Variants in DNAH9 observed in about 807,000 individuals in gnomAD.
DNAH9 encodes the protein dynein axonemal heavy chain 9.
DNAH9 carries 345 observed loss-of-function variants against 471.6 expected under a neutral mutation model. The ratio of observed to expected loss-of-function variants is 0.73; its 90% confidence interval spans 0.67 to 0.80. DNAH9 has a LOEUF of 0.80. Among genes scored for constraint, DNAH9 ranks in the 30% least tolerant of loss-of-function variants. DNAH9 has a pLI of 0.00. For synonymous variants in DNAH9, 2,093 were observed against 2,123.6 expected (o/e 0.99, Z 0.40); for missense variants, 5,407 against 5,609.2 (o/e 0.96, Z 1.15).
intron 59 of DNAH9, among the ~76,000 whole-genome samples, chr17:11,899,772 G>T (rs1973344146): frequency 6.6e-6 from 1 of 152,152 alleles, no homozygotes; most frequent in Non-Finnish European, 1.5e-5. Context: ...GGCACAGAGA[G>T]AAATAATTAC....
At chr17:11,826,375 A>G (rs1160732368) in intron 48 of DNAH9, among the ~76,000 whole-genome samples, 1 of 143,278 alleles carries the variant, frequency 7.0e-6, no homozygotes, top group Non-Finnish European at 1.5e-5. Flanking sequence ...GTAATTTTAG[A>G]CTCTTCCCTT....
intron 52 of DNAH9, among the ~76,000 whole-genome samples, chr17:11,874,244 C>A (rs867466256): frequency 5.5e-3 from 586 of 106,092 alleles, no homozygotes; most frequent in Admixed American, 6.0e-3. Context: ...GATTCCATCT[C>A]AAAAAAAAAA....
chr17:11,652,758 C>G lies in DNAH9; in HGVS notation c.2354-3C>G. ...AATTAATTATGTTTCTTTTGGGGAA[C>G]AGGCATTTGCGATTATGTCACTGAA... On this transcript the variant is annotated splice_polypyrimidine_tract_variant and splice_region_variant and intron_variant, in intron 13 of 68. Transcript: ENST00000262442. 6.2e-7 allele frequency: 1 copy of G among 1,612,036 alleles called. No individual in the cohort carries two copies. The highest frequency in any genetic ancestry group is 8.5e-7 in the Non-Finnish European group (1 of 1,179,122).
intron 57 of DNAH9, among the ~76,000 whole-genome samples, chr17:11,888,201 G>C (rs144204571): frequency 6.6e-6 from 1 of 151,860 alleles, no homozygotes; most frequent in Non-Finnish European, 1.5e-5. Flanking sequence ...AGCCAGGATG[G>C]TCTCGATCTC....
chr17:11,923,554 G>A (rs374300599), intron 61 of DNAH9, among the ~76,000 whole-genome samples: 3 of 151,508 alleles, frequency 2.0e-5, no homozygotes, highest in Non-Finnish European at 2.9e-5. Flanking sequence ...CTGGTGATCC[G>A]CTCGCCTCGG....
intron 43 of DNAH9, among the ~76,000 whole-genome samples, chr17:11,802,184 A>G (rs1372537533): frequency 2.6e-5 from 4 of 152,174 alleles, no homozygotes; most frequent in Admixed American, 1.3e-4. Flanking sequence ...CTACCAACCA[A>G]TAAAGCAGAA....
At chr17:11,900,076 A>G (rs984636286) in intron 59 of DNAH9, among the ~76,000 whole-genome samples, 2 of 148,882 alleles carry the variant, frequency 1.3e-5, no homozygotes, top group East Asian at 4.0e-4. Context: ...GGCAGACCAC[A>G]TGACTTGGCC....
intron 68 of DNAH9, among the ~76,000 whole-genome samples, chr17:11,965,835 A>G (rs1878765691): frequency 6.6e-6 from 1 of 152,188 alleles, no homozygotes; most frequent in South Asian, 2.1e-4. Flanking sequence ...ACCTAAAATG[A>G]AAACTCAGTA....
intron 59 of DNAH9, among the ~76,000 whole-genome samples, chr17:11,900,918 CT>C: frequency 6.6e-6 from 1 of 152,072 alleles, no homozygotes. Context: ...TGTGGGCACT[CT>C]AAAGAAATAG....
chr17:11,872,334 A>T (rs1331930479), intron 52 of DNAH9, among the ~76,000 whole-genome samples: 2 of 151,292 alleles, frequency 1.3e-5, no homozygotes, highest in Admixed American at 1.3e-4. Flanking sequence ...GGCTAGGTGG[A>T]TGTTACTCCC....
intron 11 of DNAH9, 81 bp from the exon 12 acceptor site, chr17:11,646,991 A>T: frequency 6.8e-7 from 1 of 1,469,590 alleles, no homozygotes; most frequent in Admixed American, 1.9e-5. Flanking sequence ...TAGTATCTTC[A>T]ATTTATGTTA....
chr17:11,740,680 G>A (rs1278657172), intron 29 of DNAH9, among the ~76,000 whole-genome samples: 2 of 152,084 alleles, frequency 1.3e-5, no homozygotes, highest in African/African-American at 4.8e-5. Flanking sequence ...TCTCTCAAAG[G>A]CCCTATGAGG....
intron 61 of DNAH9, among the ~76,000 whole-genome samples, chr17:11,910,600 G>T (rs1015513808): frequency 6.6e-6 from 1 of 152,178 alleles, no homozygotes; most frequent in Non-Finnish European, 1.5e-5. Flanking sequence ...GTCAGATGGT[G>T]ACTTTATGTT....
chr17:11,795,850 T>C (rs1969220131), intron 42 of DNAH9, among the ~76,000 whole-genome samples: 1 of 152,172 alleles, frequency 6.6e-6, no homozygotes, highest in African/African-American at 2.4e-5. Context: ...AATATTGCCA[T>C]TATCCTTCCC....
At chr17:11,779,580 C>T (rs904862836) in intron 38 of DNAH9, among the ~76,000 whole-genome samples, 2 of 152,160 alleles carry the variant, frequency 1.3e-5, no homozygotes, top group Non-Finnish European at 2.9e-5. Context: ...AGAGCTTAAT[C>T]AACCCAAATT....
At chr17:11,704,987 C>G (rs1425821382) in intron 25 of DNAH9, 38 bp from the exon 26 acceptor site, 2 of 1,595,804 alleles carry the variant, frequency 1.3e-6, no homozygotes, top group Admixed American at 3.3e-5. Context: ...TACCTGCTGC[C>G]TATGATTCAC....
rs1597697612 is a variant in DNAH9, at chr17:11,822,898, A to G, written c.9110A>G (p.Asn3037Ser). ...QSYLSNEQRYNYTTPKSFLEF... is the reference protein window; with the variant it reads ...QSYLSNEQRYSYTTPKSFLEF... ...TATCTGAGCAATGAACAGCGCTACAACTATACAACTCCCAAGTCCTTTCTG... is the reference window on the plus strand; with the variant it reads ...TATCTGAGCAATGAACAGCGCTACAGCTATACAACTCCCAAGTCCTTTCTG... Residue 3037 changes from asparagine to serine, a missense_variant, in exon 48 of 69, where the codon AAC (asparagine) becomes AGC (serine). By Grantham distance (46) the Asn-to-Ser change is conservative (BLOSUM62 1). Around this residue, in one of 3 missense-constraint regions of DNAH9, gnomAD observed 4,636 missense variants for 4,900.3 expected, o/e 0.95. Transcript: ENST00000262442. 1 of 1,614,222 alleles carries G rather than the reference A, an allele frequency of 6.2e-7. No individual in the cohort carries two copies. The highest frequency in any genetic ancestry group is 8.5e-7 in the Non-Finnish European group (1 of 1,180,050).
rs1157505657 is a variant in DNAH9, at chr17:11,759,517, C to CTTTTTTTTTTTTTTT, written c.6995+1834_6995+1848dup. Among the ~76,000 whole-genome samples the CTTTTTTTTTTTTTTT allele has an allele frequency of 5.7e-4, 48 of 83,972 alleles. 1 individual carries two copies. Among genetic ancestry groups the CTTTTTTTTTTTTTTT allele is most frequent in the Middle Eastern group, 0.01 (1 of 100 alleles). The allele number at this position is 83,972 out of a possible 152,430, so 55.1% of individuals were successfully genotyped here. A position where few individuals can be genotyped will look rare whatever the true frequency, so the allele number is the denominator to read the frequency against. Reference sequence around the variant, plus strand: ...TATACATAGGTATATATACACACCACTTTTTTTTTTTTTTTTTTTTTTTGA... The same window carrying CTTTTTTTTTTTTTTT: ...TATACATAGGTATATATACACACCACTTTTTTTTTTTTTTTTTTTTTTTTTTTTTTTTTTTTTTGA... On this transcript the variant is annotated intron_variant, in intron 35 of 68. Transcript: ENST00000262442.
At chr17:11,860,458 G>A (rs1056444827) in intron 50 of DNAH9, among the ~76,000 whole-genome samples, 5 of 152,210 alleles carry the variant, frequency 3.3e-5, no homozygotes, top group South Asian at 2.1e-4. Context: ...CGTTTTATTC[G>A]TAAACTGAAC....
Sources: allele counts gnomAD v4.1 joint callset (sites outside exome capture counted in the v4.1 genomes callset), GRCh38; gene constraint gnomAD v4.1.1; regional missense constraint gnomAD v4.1.1; transcripts MANE v1.5; gene names NCBI Gene and HGNC (gene_info 2026-07-23, HGNC 2026-07-21).